The following PPFIA2 variants were observed in gnomAD, a reference collection of about 807,000 sequenced individuals.
PPFIA2 encodes PPFI scaffold protein A2.
A neutral mutation model predicts 175.5 loss-of-function variants in PPFIA2; 46 were observed. That is an observed-to-expected ratio of 0.26 (90% CI 0.21 to 0.34). PPFIA2 has a LOEUF of 0.34. Among genes scored for constraint, PPFIA2 ranks in the 10% least tolerant of loss-of-function variants. The pLI is 1.00. For missense variants in PPFIA2, 1,179 were observed against 1,506.1 expected (o/e 0.78, Z 3.60); for synonymous variants, 568 against 511.4 (o/e 1.11, Z -1.49).
chr12:81,317,774 A>G (rs1293777911), intron 22 of PPFIA2, among the ~76,000 whole-genome samples: 1 of 151,680 alleles, frequency 6.6e-6, no homozygotes, highest in East Asian at 1.9e-4. Flanking sequence ...GCCAGCATCT[A>G]TATGTTAAAA....
intron 4 of PPFIA2, among the ~76,000 whole-genome samples, chr12:81,554,043 G>T (rs921279228): frequency 5.3e-5 from 8 of 151,930 alleles, no homozygotes; most frequent in Admixed American, 1.3e-4. Context: ...TAGAAATGGG[G>T]ATTTGATCCA....
intron 4 of PPFIA2, among the ~76,000 whole-genome samples, chr12:81,655,756 C>T (rs541983823): frequency 2.5e-4 from 38 of 151,958 alleles, no homozygotes; most frequent in African/African-American, 6.7e-4. Context: ...ATAAAGTAAG[C>T]GCTCTATATA....
chr12:81,522,636 T>C (rs2063289748), intron 4 of PPFIA2, among the ~76,000 whole-genome samples: 1 of 152,236 alleles, frequency 6.6e-6, no homozygotes, highest in South Asian at 2.1e-4. Context: ...ACAGCACTAC[T>C]ACTAATATTT....
At chr12:81,457,150 A>G (rs1412072815) in intron 5 of PPFIA2, among the ~76,000 whole-genome samples, 1 of 151,776 alleles carries the variant, frequency 6.6e-6, no homozygotes, top group Admixed American at 6.6e-5. Context: ...AGCCTGGCTG[A>G]CTTTTGTATT....
intron 4 of PPFIA2, among the ~76,000 whole-genome samples, chr12:81,528,024 T>C (rs1335525669): frequency 1.3e-5 from 2 of 152,114 alleles, no homozygotes; most frequent in Non-Finnish European, 2.9e-5. Flanking sequence ...AGACAACATT[T>C]ATAATCACCA....
In PPFIA2 at chr12:81,512,274, C is replaced by T. The variant is rs764755313; in HGVS notation, c.304-54408G>A. ...AAAATCTAAACACCTCATGCTGACA[C>T]AAAACATACCTGATGTCCTGGTCGG... On this transcript the variant is annotated intron_variant, in intron 4 of 32. Transcript: ENST00000549396. The T allele has an allele frequency of 3.3e-5, 42 of 1,281,172 alleles. 1 individual carries two copies. In the South Asian group the frequency reaches 5.0e-4, roughly 15 times the overall value. 79.4% of individuals were successfully genotyped at this position (1,281,172 alleles called of 1,614,324 possible). A position where few individuals can be genotyped will look rare whatever the true frequency, so the allele number is the denominator to read the frequency against.
chr12:81,300,868 A>G (rs940415779), intron 22 of PPFIA2, among the ~76,000 whole-genome samples: 2 of 152,124 alleles, frequency 1.3e-5, no homozygotes, highest in Non-Finnish European at 2.9e-5. Flanking sequence ...CTTATTGAAC[A>G]CCTGTTGTGG....
chr12:81,677,004 C>G (rs530498170), intron 3 of PPFIA2, among the ~76,000 whole-genome samples, 160 bp from the exon 4 acceptor site: 2 of 151,890 alleles, frequency 1.3e-5, no homozygotes, highest in East Asian at 1.9e-4. Context: ...TACAAATAGT[C>G]TACATCTAAA....
intron 4 of PPFIA2, among the ~76,000 whole-genome samples, chr12:81,510,873 A>G (rs1481033912): frequency 6.6e-6 from 1 of 152,150 alleles, no homozygotes; most frequent in East Asian, 1.9e-4. Context: ...GTTCACCCAC[A>G]TGAAACATTA....
intron 4 of PPFIA2, among the ~76,000 whole-genome samples, chr12:81,481,502 C>T (rs1016557588): frequency 1.3e-5 from 2 of 152,102 alleles, no homozygotes; most frequent in Non-Finnish European, 2.9e-5. Context: ...TGCTACAAGG[C>T]TACAGTAACC....
chr12:81,610,105 C>T (rs534091972), intron 4 of PPFIA2, among the ~76,000 whole-genome samples: 4 of 152,164 alleles, frequency 2.6e-5, no homozygotes, highest in South Asian at 2.1e-4. Flanking sequence ...CTATCTCTTC[C>T]GGCAAGTAGG....
chr12:81,273,832 CGAA>C (rs952437326), intron 28 of PPFIA2, among the ~76,000 whole-genome samples: 83 of 152,102 alleles, frequency 5.5e-4, no homozygotes, highest in African/African-American at 1.9e-3. Flanking sequence ...AATTTCTGCC[CGAA>C]GAAGGACATT....
At chr12:81,743,411 C>CAAAAAAAAAAAAAA (rs772497730) in intron 3 of PPFIA2, among the ~76,000 whole-genome samples, 3 of 24,860 alleles carry the variant, frequency 1.2e-4, no homozygotes, top group African/African-American at 5.5e-4. Flanking sequence ...GACTCCGTCT[C>CAAAAAAAAAAAAAA]AAAAAAAAAA....
rs367790392 is a variant in PPFIA2 at position 81,427,268 on chromosome 12, G to A, written c.645+12704C>T. Among the ~76,000 whole-genome samples the A allele has an allele frequency of 7.9e-5, 12 of 152,142 alleles. No individual in the cohort carries two copies. The South Asian group carries it at 2.3e-3, about 29-fold the overall frequency. On this transcript the variant is annotated intron_variant, in intron 7 of 32. Transcript: ENST00000549396. ...ACCGAAATTGAAAGTCAGACATCTTGGATTTGGATTCCTGTCGACTAGTGA... is the reference window on the plus strand; with the variant it reads ...ACCGAAATTGAAAGTCAGACATCTTAGATTTGGATTCCTGTCGACTAGTGA...
At chr12:81,311,647 G>A (rs1302771763) in intron 22 of PPFIA2, among the ~76,000 whole-genome samples, 1 of 150,624 alleles carries the variant, frequency 6.6e-6, no homozygotes, top group Non-Finnish European at 1.5e-5. Context: ...GCAGGAGAAT[G>A]GCATGAACCT....
At chr12:81,399,450 C>T (rs892623427) in intron 8 of PPFIA2, among the ~76,000 whole-genome samples, 5 of 152,058 alleles carry the variant, frequency 3.3e-5, no homozygotes, top group Admixed American at 1.3e-4. Context: ...GCACCCAGAG[C>T]GATTTGTTTT....
rs986582061 is a variant in PPFIA2, at chr12:81,341,350, C to A, written c.2263-142G>T. 9.6e-5 allele frequency: 64 copies of A among 669,692 alleles called. No homozygotes were observed. The African/African-American group carries it at 1.1e-3, about 11-fold the overall frequency. 41.5% of individuals were successfully genotyped at this position (669,692 alleles called of 1,614,324 possible). ...CAAAACTTGGGGCATTTAAGTCTTA[C>A]ATACATAAATTCCCATTAAAGAGTT... On this transcript the variant is annotated intron_variant, in intron 19 of 32. Coordinates refer to ENST00000549396, the MANE Select transcript of PPFIA2 (RefSeq NM_003625.5).
chr12:81,601,494 A>G (rs955746641), intron 4 of PPFIA2, among the ~76,000 whole-genome samples: 1 of 152,082 alleles, frequency 6.6e-6, no homozygotes, highest in Admixed American at 6.6e-5. Flanking sequence ...GAGTTGCTGG[A>G]GGATGGAAAA....
At chr12:81,531,050 CTT>C (rs2064471394) in intron 4 of PPFIA2, among the ~76,000 whole-genome samples, 1 of 151,846 alleles carries the variant, frequency 6.6e-6, no homozygotes, top group Admixed American at 6.6e-5. Context: ...TTAATGTACT[CTT>C]AAACTTTTAT....
Sources: gnomAD v4.1 joint callset for allele counts (sites outside exome capture counted in the v4.1 genomes callset) on GRCh38, gnomAD v4.1.1 for gene constraint, MANE v1.5 for transcripts, NCBI Gene and HGNC (gene_info 2026-07-23, HGNC 2026-07-21) for gene names.